Variants in FLNC observed in about 807,000 individuals in gnomAD.
FLNC encodes the protein filamin-C.
A neutral mutation model predicts 254.3 loss-of-function variants in FLNC; 91 were observed. The observed-to-expected ratio is 0.36, with a 90% CI of 0.30 to 0.43. The LOEUF is 0.43. Ranked by LOEUF, FLNC falls within the 20% of genes least tolerant of loss-of-function variation. FLNC has a pLI of 1.00. For missense variants in FLNC, 2,853 were observed against 3,802.6 expected (o/e 0.75, Z 6.57); for synonymous variants, 1,430 against 1,577.2 (o/e 0.91, Z 2.21).
chr7:128,834,490 C>T (rs1808020117), intron 1 of FLNC, among the ~76,000 whole-genome samples: 1 of 149,068 alleles, frequency 6.7e-6, no homozygotes, highest in East Asian at 2.0e-4. Context: ...CCCTGCCCCA[C>T]TATCAGAACC....
Position 128,851,588 on chromosome 7 carries a change from C to A in FLNC, c.5802C>A (p.Asp1934Glu), listed in dbSNP as rs549588907. 1 of 1,613,856 alleles carries A rather than the reference C, an allele frequency of 6.2e-7. No individual in the cohort carries two copies. The highest frequency in any genetic ancestry group is 1.3e-5 in the African/African-American group (1 of 74,938). ...ACAGCATCATCGTGCGCTTCGATGA[C>A]AAGCACATCCCGGGGAGCCCCTTCA... ...GDYSIIVRFDDKHIPGSPFTA... is the reference protein window; with the variant it reads ...GDYSIIVRFDEKHIPGSPFTA... Residue 1934 changes from aspartate (D) to glutamate (E), a missense_variant, in exon 35 of 48, where the codon GAC becomes GAA. Physicochemically the swap from Asp to Glu is conservative, Grantham distance 45 (BLOSUM62 2). Transcript: ENST00000325888.
rs1048337801 is a variant in FLNC, at chr7:128,850,787, T to C, written c.5399-16T>C. On this transcript the variant is annotated splice_polypyrimidine_tract_variant and intron_variant, in intron 32 of 47. Transcript: ENST00000325888. ...GGGGAAACCAGGGTCTCCACGTAAC[T>C]GTGTCTGCCCTGCAGGAGAGGTGCG... 1 of 1,613,420 alleles carries C rather than the reference T, an allele frequency of 6.2e-7. No individual in the cohort carries two copies. Among genetic ancestry groups the C allele is most frequent in the African/African-American group, 1.3e-5 (1 of 74,860 alleles).
rs993074255 is a variant in FLNC at position 128,836,453 on chromosome 7, G to A, written c.602-707G>A. Among the ~76,000 whole-genome samples the A allele has an allele frequency of 1.3e-5, 2 of 152,116 alleles. No individual in the cohort carries two copies. Among genetic ancestry groups the A allele is most frequent in the Non-Finnish European group, 2.9e-5 (2 of 68,010 alleles). The stretch of plus-strand genomic sequence containing the variant: ...CAGTCATGGATTCCAGCCTTGAGCC[G>A]GCCCCCTCCCCGAAACGGTGTGCCG... On this transcript the variant is annotated intron_variant, in intron 2 of 47. Coordinates refer to ENST00000325888, the MANE Select transcript of FLNC (RefSeq NM_001458.5). This position sits in a 1 kb window ranked among gnomAD's most constrained non-coding sequence, Gnocchi z 6.0.
Position 128,841,331 on chromosome 7 carries a change from C to G in FLNC, c.1975C>G (p.Leu659Val), listed in dbSNP as rs1203642232. The change falls in exon 12 of 48, where the codon CTG (leucine) becomes GTG (valine). Residue 659 changes from leucine to valine, a missense_variant. Physicochemically the swap from Leu to Val is conservative, Grantham distance 32. Around this residue, in one of 10 missense-constraint regions of FLNC, gnomAD observed 1,573 missense variants for 1,883.5 expected, o/e 0.84. Coordinates refer to ENST00000325888, the MANE Select transcript of FLNC (RefSeq NM_001458.5). The surrounding 1 kb of genome is among the most constrained non-coding windows in gnomAD (Gnocchi z 4.3). ...AGACTCACCCTTCATTGCCCACATCCTGCCCGCCCCACCTGACTGCTTCCC... is the reference window on the plus strand; with the variant it reads ...AGACTCACCCTTCATTGCCCACATCGTGCCCGCCCCACCTGACTGCTTCCC... ...IRDSPFIAHI[L>V]PAPPDCFPDK... 2 of 1,613,956 alleles carry G rather than the reference C, an allele frequency of 1.2e-6. No individual in the cohort carries two copies. The highest frequency in any genetic ancestry group is 3.3e-5 in the Admixed American group (2 of 60,010).
intron 28 of FLNC, 37 bp downstream of exon 28, chr7:128,849,019 C>T (rs1165142733): frequency 1.2e-6 from 2 of 1,604,062 alleles, no homozygotes; most frequent in East Asian, 2.2e-5. Context: ...CTGCTCACCA[C>T]CCAGCCCCTC....
At position 128,842,778 on chromosome 7, in the gene FLNC, G is replaced by A. The variant is rs759273265; in HGVS notation, c.2390-16G>A. On this transcript the variant is annotated splice_polypyrimidine_tract_variant and intron_variant, in intron 15 of 47. Transcript: ENST00000325888. This position sits in a 1 kb window ranked among gnomAD's most constrained non-coding sequence, Gnocchi z 5.4. ...GGGGCTGAGCCCAACTCACAGCAGT[G>A]CCCGCTTCTCTGCAGGCGACGTGAG... 47 of 1,612,738 alleles carry A rather than the reference G, an allele frequency of 2.9e-5. No individual in the cohort carries two copies. The highest frequency in any genetic ancestry group is 3.9e-5 in the Non-Finnish European group (46 of 1,179,764).
Position 128,857,205 on chromosome 7 carries a change from T to C in FLNC, c.7649T>C (p.Leu2550Pro). 3 of 1,614,180 alleles carry C rather than the reference T, an allele frequency of 1.9e-6. No individual in the cohort carries two copies. Among genetic ancestry groups the C allele is most frequent in the Middle Eastern group, 1.7e-4 (1 of 6,060 alleles). ...ATTGATGGCCCCTCCAAGGTGCAGCTGGACTGTCGGGAGTGTCCTGAGGGC... is the reference window on the plus strand; with the variant it reads ...ATTGATGGCCCCTCCAAGGTGCAGCCGGACTGTCGGGAGTGTCCTGAGGGC... Reference protein sequence around the residue: ...VTIDGPSKVQLDCRECPEGHV... With the variant: ...VTIDGPSKVQPDCRECPEGHV... Residue 2550 changes from leucine (L) to proline (P), a missense_variant, in exon 46 of 48, where the codon CTG (leucine) becomes CCG (proline). Physicochemically the swap from Leu to Pro is moderately conservative, Grantham distance 98. Coordinates refer to ENST00000325888, the MANE Select transcript of FLNC (RefSeq NM_001458.5). The surrounding 1 kb of genome is among the most constrained non-coding windows in gnomAD (Gnocchi z 4.5).
At chr7:128,844,612 TGAG>T (rs1157759832) in intron 20 of FLNC, 43 bp from the exon 21 acceptor site, 1 of 1,552,570 alleles carries the variant, frequency 6.4e-7, no homozygotes, top group Non-Finnish European at 8.8e-7. Flanking sequence ...AAGGCTGGGA[TGAG>T]GAGGCCAGGT....
chr7:128,842,363 A>G lies in FLNC; in HGVS notation c.2254A>G (p.Ser752Gly), dbSNP rs1255794663. 1.9e-6 allele frequency: 3 copies of G among 1,613,356 alleles called. No individual in the cohort carries two copies. Among genetic ancestry groups the G allele is most frequent in the Admixed American group, 3.3e-5 (2 of 60,008 alleles). ...CTGGGGAGGCGTAAACGTGCCCAAG[A>G]GCCCCTTCCGGGTGCGTCCTCCCGG... ...ISWGGVNVPK[S>G]PFRVNVGEGS... Residue 752 changes from serine to glycine, a missense_variant, in exon 14 of 48, where the codon AGC (serine) becomes GGC (glycine). Physicochemically the swap from Ser to Gly is moderately conservative, Grantham distance 56. Coordinates refer to ENST00000325888, the MANE Select transcript of FLNC (RefSeq NM_001458.5). The surrounding 1 kb of genome is among the most constrained non-coding windows in gnomAD (Gnocchi z 5.4).
Position 128,846,002 on chromosome 7 carries a change from A to G in FLNC, c.3803A>G (p.Glu1268Gly), listed in dbSNP as rs1585161164. ...CCCTGGGCTCCAGGTGTCCTGCGGG[A>G]GGTGACCACTGAGTTCACTGTGGAT... The part of the protein sequence containing the change: ...PGVEPHGVLR[E>G]VTTEFTVDAR... Residue 1268 changes from glutamate (E) to glycine (G), a missense_variant, in exon 22 of 48, where the codon GAG becomes GGG. Around this residue, in one of 10 missense-constraint regions of FLNC, gnomAD observed 1,573 missense variants for 1,883.5 expected, o/e 0.84. Coordinates refer to ENST00000325888, the MANE Select transcript of FLNC (RefSeq NM_001458.5). 1 of 1,613,706 alleles carries G rather than the reference A, an allele frequency of 6.2e-7. No individual in the cohort carries two copies. Among genetic ancestry groups the G allele is most frequent in the East Asian group, 2.2e-5 (1 of 44,874 alleles).
At position 128,842,937 on chromosome 7, in the gene FLNC, G is replaced by C; in HGVS notation, c.2533G>C (p.Val845Leu). 1 of 1,613,990 alleles carries C rather than the reference G, an allele frequency of 6.2e-7. No individual in the cohort carries two copies. ...AGGGGCGGGCCGCTACACCATCATG[G>C]TGCTGTTTGCCAACCAGGTACCTAA... is the stretch of plus-strand genomic sequence containing the variant. ...PPGAGRYTIM[V>L]LFANQEIPAS... Residue 845 changes from valine to leucine, a missense_variant, in exon 16 of 48, where the codon GTG becomes CTG. By Grantham distance (32) the Val-to-Leu change is conservative (BLOSUM62 1). Around this residue, in one of 10 missense-constraint regions of FLNC, gnomAD observed 1,573 missense variants for 1,883.5 expected, o/e 0.84. Coordinates refer to ENST00000325888, the MANE Select transcript of FLNC (RefSeq NM_001458.5). The surrounding 1 kb of genome is among the most constrained non-coding windows in gnomAD (Gnocchi z 5.4).
chr7:128,854,546 G>C lies in FLNC; in HGVS notation c.6861G>C (p.Thr2287=). The change falls in exon 41 of 48, where the codon ACG becomes ACC. Residue 2287 remains threonine, a synonymous_variant. Coordinates refer to ENST00000325888, the MANE Select transcript of FLNC (RefSeq NM_001458.5). ...TGCCCCAGGAAATGGGGCCCCATAC[G>C]GTCGCTGTCAAGTACCGTGGCCAGC... ...RFVPQEMGPH[T]VAVKYRGQHV... The C allele has an allele frequency of 6.2e-7, 1 of 1,607,668 alleles. No homozygotes were observed. The highest frequency in any genetic ancestry group is 8.5e-7 in the Non-Finnish European group (1 of 1,177,626).
intron 28 of FLNC, 97 bp downstream of exon 28, chr7:128,849,079 G>A (rs1808695101): frequency 1.3e-6 from 2 of 1,588,364 alleles, no homozygotes; most frequent in Non-Finnish European, 8.6e-7. Flanking sequence ...GCTGGTCGGA[G>A]AGCACACATG....
In FLNC at chr7:128,844,747, C is replaced by T; in HGVS notation, c.3282C>T (p.Gly1094=). The change falls in exon 21 of 48, where the codon GGC becomes GGT. Residue 1094 remains glycine (G), a synonymous_variant. Coordinates refer to ENST00000325888, the MANE Select transcript of FLNC (RefSeq NM_001458.5). ...ACACCAAGGGGGCTGGCACAGGTGG[C>T]CTGGGGCTGACCGTAGAGGGCCCCT... is the stretch of plus-strand genomic sequence containing the variant. ...SIDTKGAGTG[G]LGLTVEGPCE... 1 of 1,613,942 alleles carries T rather than the reference C, an allele frequency of 6.2e-7. No homozygotes were observed. The highest frequency in any genetic ancestry group is 8.5e-7 in the Non-Finnish European group (1 of 1,180,024).
At position 128,857,063 on chromosome 7, in the gene FLNC, C is replaced by T. The variant is rs1024080758; in HGVS notation, c.7562-55C>T. On this transcript the variant is annotated intron_variant, in intron 45 of 47. Transcript: ENST00000325888. The surrounding 1 kb of genome is among the most constrained non-coding windows in gnomAD (Gnocchi z 4.5). Reference sequence around the variant, plus strand: ...GCTGTCCAGGGAGCTGGGGCCCAGTCCCTCTTGGGCCACAAGCCCTTCCTG... The same window carrying T: ...GCTGTCCAGGGAGCTGGGGCCCAGTTCCTCTTGGGCCACAAGCCCTTCCTG... The T allele has an allele frequency of 3.2e-6, 5 of 1,579,038 alleles. No homozygotes were observed. Among genetic ancestry groups the T allele is most frequent in the East Asian group, 4.5e-5 (2 of 44,724 alleles).
Position 128,843,413 on chromosome 7 carries a change from G to A in FLNC, c.2647G>A (p.Glu883Lys), listed in dbSNP as rs1808423708. 3 of 1,613,962 alleles carry A rather than the reference G, an allele frequency of 1.9e-6. No individual in the cohort carries two copies. Among genetic ancestry groups the A allele is most frequent in the Non-Finnish European group, 2.5e-6 (3 of 1,180,026 alleles). Residue 883 changes from glutamate (E) to lysine (K), a missense_variant, in exon 18 of 48, where the codon GAA (glutamate) becomes AAA (lysine). By Grantham distance (56) the Glu-to-Lys change is moderately conservative. Transcript: ENST00000325888. ...ATCTCTGGGTGGGTCCTCAGGTGTGGAAGTCGGGAAGCCCACCCACTTCAC... is the reference window on the plus strand; with the variant it reads ...ATCTCTGGGTGGGTCCTCAGGTGTGAAAGTCGGGAAGCCCACCCACTTCAC... ...EGPGLNRTGV[E>K]VGKPTHFTVL... is the part of the protein sequence containing the mutation.
Position 128,853,797 on chromosome 7 carries a change from C to T in FLNC, c.6444C>T (p.Ala2148=), listed in dbSNP as rs767921037. Residue 2148 remains alanine (A), a synonymous_variant, in exon 39 of 48, where the codon GCC becomes GCT. Transcript: ENST00000325888. ...GGCGGAGACAGGCACCTTCCATCGC[C>T]ACCATCGGCAGCACCTGTGACCTCA... ...ITRRRQAPSI[A]TIGSTCDLNL... is the part of the protein sequence containing the mutation. The T allele has an allele frequency of 6.2e-7, 1 of 1,613,622 alleles. No homozygotes were observed. The highest frequency in any genetic ancestry group is 1.1e-5 in the South Asian group (1 of 91,076).
At position 128,842,307 on chromosome 7, in the gene FLNC, C is replaced by T; in HGVS notation, c.2198C>T (p.Thr733Ile). 1 of 1,613,914 alleles carries T rather than the reference C, an allele frequency of 6.2e-7. No individual in the cohort carries two copies. The highest frequency in any genetic ancestry group is 8.5e-7 in the Non-Finnish European group (1 of 1,180,024). Residue 733 changes from threonine to isoleucine, a missense_variant, in exon 14 of 48, where the codon ACC (threonine) becomes ATC (isoleucine). Thr to Ile is a moderately conservative substitution (Grantham distance 89, BLOSUM62 -1). Around this residue, in one of 10 missense-constraint regions of FLNC, gnomAD observed 1,573 missense variants for 1,883.5 expected, o/e 0.84. Transcript: ENST00000325888. This position sits in a 1 kb window ranked among gnomAD's most constrained non-coding sequence, Gnocchi z 5.4. ...DGTFRCSYVP[T>I]KPIKHTIIIS... ...ACCTTCCGCTGCTCCTACGTGCCCA[C>T]CAAGCCCATTAAGCACACCATCATC...
chr7:128,857,065 C>T lies in FLNC; in HGVS notation c.7562-53C>T. The T allele has an allele frequency of 6.3e-6, 10 of 1,583,120 alleles. No homozygotes were observed. The highest frequency in any genetic ancestry group is 7.8e-6 in the Non-Finnish European group (9 of 1,152,322). ...TGTCCAGGGAGCTGGGGCCCAGTCCCTCTTGGGCCACAAGCCCTTCCTGCC... is the reference window on the plus strand; with the variant it reads ...TGTCCAGGGAGCTGGGGCCCAGTCCTTCTTGGGCCACAAGCCCTTCCTGCC... On this transcript the variant is annotated intron_variant, in intron 45 of 47. Transcript: ENST00000325888. The surrounding 1 kb of genome is among the most constrained non-coding windows in gnomAD (Gnocchi z 4.5).
Sources: allele counts gnomAD v4.1 joint callset (sites outside exome capture counted in the v4.1 genomes callset), GRCh38; gene constraint gnomAD v4.1.1; regional missense constraint gnomAD v4.1.1; non-coding constraint Gnocchi (gnomAD v3.1); transcripts MANE v1.5; gene names NCBI Gene and HGNC (gene_info 2026-07-23, HGNC 2026-07-21).